Variants in NOS1 observed in about 807,000 individuals in gnomAD.
NOS1 encodes nitric oxide synthase 1, also known as NOS type I.
Under a neutral mutation model 164.5 loss-of-function variants are expected in NOS1, and 51 were observed. The observed-to-expected ratio is 0.31, with a 90% CI of 0.25 to 0.39. NOS1 has a LOEUF of 0.39. Among genes scored for constraint, NOS1 ranks in the 10% least tolerant of loss-of-function variants. NOS1 has a pLI of 1.00. For missense variants in NOS1, 1,362 were observed against 1,885.6 expected (o/e 0.72, Z 5.14); for synonymous variants, 719 against 745.8 (o/e 0.96, Z 0.59).
At chr12:117,337,480 T>C (rs886410404) in intron 1 of NOS1, among the ~76,000 whole-genome samples, 9 of 152,188 alleles carry the variant, frequency 5.9e-5, no homozygotes, top group African/African-American at 1.2e-4. Context: ...TTGCATTATA[T>C]TGCCATTGGG....
chr12:117,239,364 T>A (rs1277827406), intron 20 of NOS1, among the ~76,000 whole-genome samples: 1 of 152,204 alleles, frequency 6.6e-6, no homozygotes, highest in African/African-American at 2.4e-5. Context: ...AGTCCTGCAT[T>A]CCCCTCTTGC....
chr12:117,283,155 C>T (rs1018161352), intron 7 of NOS1, among the ~76,000 whole-genome samples: 4 of 150,716 alleles, frequency 2.7e-5, no homozygotes, highest in African/African-American at 7.3e-5. Flanking sequence ...CCACCTCCTG[C>T]GTTCAAGCAA....
chr12:117,358,929 T>A (rs1876985880), intron 1 of NOS1, among the ~76,000 whole-genome samples: 1 of 152,214 alleles, frequency 6.6e-6, no homozygotes, highest in African/African-American at 2.4e-5. Flanking sequence ...CCCAGATGCA[T>A]GCAAAATGCC....
At chr12:117,249,040 GTTGT>G (rs1175433813) in intron 17 of NOS1, among the ~76,000 whole-genome samples, 8 of 152,210 alleles carry the variant, frequency 5.3e-5, no homozygotes, top group South Asian at 4.2e-4. Context: ...TTTTGATGGG[GTTGT>G]TTGTTTTTTT....
chr12:117,257,912 C>T (rs9658436), intron 16 of NOS1, among the ~76,000 whole-genome samples: 406 of 149,574 alleles, frequency 2.7e-3, no homozygotes, highest in African/African-American at 8.5e-3. Context: ...TCAAGCGATT[C>T]TCCCGCCTCA....
chr12:117,302,143 T>A, intron 3 of NOS1: 1 of 456,248 alleles, frequency 2.2e-6, no homozygotes, highest in Non-Finnish European at 4.4e-6. Context: ...GGACTTAAAG[T>A]GCTTAGCACA....
intron 1 of NOS1, among the ~76,000 whole-genome samples, chr12:117,343,828 GAAGT>G (rs1290397019): frequency 6.6e-6 from 1 of 152,166 alleles, no homozygotes; most frequent in Non-Finnish European, 1.5e-5. Flanking sequence ...GAAGAAAAAA[GAAGT>G]AAGAATAACT....
At position 117,277,993 on chromosome 12, in the gene NOS1, C is replaced by T; in HGVS notation, c.1630G>A (p.Glu544Lys). Residue 544 changes from glutamate (E) to lysine (K), a missense_variant, in exon 9 of 29, where the codon GAG becomes AAG. Physicochemically the swap from Glu to Lys is moderately conservative, Grantham distance 56 (BLOSUM62 1). Transcript: ENST00000317775. ...CTGATGGGAACTTCCAACACCAGCTCTGGAGGAATCTGGAAGAGCTCAGGG... is the reference window on the plus strand; with the variant it reads ...CTGATGGGAACTTCCAACACCAGCTTTGGAGGAATCTGGAAGAGCTCAGGG... Reference protein sequence around the residue: ...NDPELFQIPPELVLEVPIRHP... With the variant: ...NDPELFQIPPKLVLEVPIRHP... The T allele has an allele frequency of 6.2e-7, 1 of 1,613,852 alleles. No homozygotes were observed. Among genetic ancestry groups the T allele is most frequent in the Non-Finnish European group, 8.5e-7 (1 of 1,179,816 alleles).
chr12:117,220,707 G>A (rs564880912), intron 26 of NOS1, among the ~76,000 whole-genome samples: 4 of 152,238 alleles, frequency 2.6e-5, no homozygotes, highest in East Asian at 1.9e-4. Flanking sequence ...GCCCTGGGCC[G>A]ATAGCAAGAG....
chr12:117,285,233 C>A lies in NOS1; in HGVS notation c.1382+8G>T. 3.1e-6 allele frequency: 5 copies of A among 1,607,214 alleles called. No homozygotes were observed. In the South Asian group the frequency reaches 5.5e-5, roughly 18 times the overall value. ...TCCTGCTCCCCAGTGCCCAGCTGGT[C>A]AGCTCACCTGAGGTTCCCTTTGTTG... On this transcript the variant is annotated splice_region_variant and intron_variant, in intron 7 of 28. Transcript: ENST00000317775.
chr12:117,337,438 T>C (rs1160017113), intron 1 of NOS1, among the ~76,000 whole-genome samples: 1 of 152,096 alleles, frequency 6.6e-6, no homozygotes, highest in Non-Finnish European at 1.5e-5. Flanking sequence ...CTTTTTAATG[T>C]GACTTATAAA....
intron 3 of NOS1, among the ~76,000 whole-genome samples, chr12:117,299,398 G>A (rs1873648291): frequency 6.6e-6 from 1 of 152,052 alleles, no homozygotes; most frequent in Non-Finnish European, 1.5e-5. Flanking sequence ...CAGCACTTTG[G>A]GAGGCCGAGG....
chr12:117,354,424 G>A (rs7135565), intron 1 of NOS1, among the ~76,000 whole-genome samples: 9,109 of 152,182 alleles, frequency 0.06, 490 homozygotes, highest in South Asian at 0.2. Flanking sequence ...CAAGCACATC[G>A]ATGCTATTGA....
chr12:117,254,728 C>T (rs1871313205), intron 16 of NOS1, among the ~76,000 whole-genome samples: 1 of 152,194 alleles, frequency 6.6e-6, no homozygotes, highest in Non-Finnish European at 1.5e-5. Context: ...AGCAGGGTGT[C>T]ACTTGCACCA....
At chr12:117,279,095 T>C (rs926254034) in intron 8 of NOS1, among the ~76,000 whole-genome samples, 1 of 152,056 alleles carries the variant, frequency 6.6e-6, no homozygotes, top group Non-Finnish European at 1.5e-5. Context: ...AAATGATCAA[T>C]GGGCCGGGCG....
At chr12:117,304,346 A>G (rs1874022618) in intron 3 of NOS1, among the ~76,000 whole-genome samples, 1 of 152,156 alleles carries the variant, frequency 6.6e-6, no homozygotes, top group African/African-American at 2.4e-5. Flanking sequence ...CTTCTACCTG[A>G]GCTTCAAAAC....
At position 117,290,367 on chromosome 12, in the gene NOS1, G is replaced by C; in HGVS notation, c.912C>G (p.Arg304=). 1 of 1,614,076 alleles carries C rather than the reference G, an allele frequency of 6.2e-7. No homozygotes were observed. The highest frequency in any genetic ancestry group is 8.5e-7 in the Non-Finnish European group (1 of 1,179,982). The change falls in exon 4 of 29, where the codon CGC becomes CGG. Residue 304 remains arginine, a synonymous_variant. Transcript: ENST00000317775. ...TCTCCCAGTTCTTGACCTTGAGGAA[G>C]CGTGGACACTTGGAGGGGCTGCCAT... ...TKNGSPSKCP[R]FLKVKNWETE...
intron 3 of NOS1, among the ~76,000 whole-genome samples, chr12:117,304,158 C>G (rs772967965): frequency 6.6e-6 from 1 of 151,592 alleles, no homozygotes; most frequent in African/African-American, 2.4e-5. Flanking sequence ...GGCGACAGAG[C>G]GAGACTCCAT....
chr12:117,319,312 C>T (rs1037560057), intron 2 of NOS1, among the ~76,000 whole-genome samples: 1 of 152,212 alleles, frequency 6.6e-6, no homozygotes, highest in Non-Finnish European at 1.5e-5. Context: ...CTTGGCCTCC[C>T]AGTGCTGGGA....
Sources: gnomAD v4.1 joint callset for allele counts (sites outside exome capture counted in the v4.1 genomes callset) on GRCh38, gnomAD v4.1.1 for gene constraint, MANE v1.5 for transcripts, NCBI Gene and HGNC (gene_info 2026-07-23, HGNC 2026-07-21) for gene names.